Variants in SPTBN5 observed in about 807,000 individuals in gnomAD.
The protein encoded by SPTBN5 is spectrin beta, non-erythrocytic 5.
A neutral mutation model predicts 477.6 loss-of-function variants in SPTBN5; 513 were observed. That is an observed-to-expected ratio of 1.07 (90% confidence interval 1.00 to 1.16). The LOEUF (loss-of-function observed/expected upper bound fraction) is 1.16, where lower values mean the gene tolerates loss of function less well. Among genes scored for constraint, SPTBN5 ranks in the 50% most tolerant of loss-of-function variants. SPTBN5 has a pLI of 0.00. For missense variants in SPTBN5, 5,062 were observed against 4,731.8 expected (o/e 1.07, Z -2.05); for synonymous variants, 2,169 against 2,011.7 (o/e 1.08, Z -2.09).
chr15:41,887,201 T>C lies in SPTBN5; in HGVS notation c.888+12A>G. 7 of 1,548,998 alleles carry C rather than the reference T, an allele frequency of 4.5e-6. No individual in the cohort carries two copies. The highest frequency in any genetic ancestry group is 6.1e-6 in the Non-Finnish European group (7 of 1,144,774). Reference sequence around the variant, plus strand: ...GAGCCCTTGCTCACCCCACCCCTCCTTTCTCCCCCACCTTAGTGAGTCTCC... The same window carrying C: ...GAGCCCTTGCTCACCCCACCCCTCCCTTCTCCCCCACCTTAGTGAGTCTCC... On this transcript the variant is annotated intron_variant, in intron 6 of 67. Coordinates refer to ENST00000320955, the MANE Select transcript of SPTBN5 (RefSeq NM_016642.4).
At position 41,864,008 on chromosome 15, in the gene SPTBN5, G is replaced by T; in HGVS notation, c.6935C>A (p.Ala2312Asp). 1 of 1,613,260 alleles carries T rather than the reference G, an allele frequency of 6.2e-7. No homozygotes were observed. Among genetic ancestry groups the T allele is most frequent in the Non-Finnish European group, 8.5e-7 (1 of 1,179,782 alleles). The change falls in exon 40 of 68, where the codon GCC becomes GAC. Residue 2312 changes from alanine to aspartate, a missense_variant. By Grantham distance (126) the Ala-to-Asp change is moderately radical. Transcript: ENST00000320955. Reference protein sequence around the residue: ...GNSAGDTVGDACIRSISDLSL... With the variant: ...GNSAGDTVGDDCIRSISDLSL... The stretch of plus-strand genomic sequence containing the variant: ...CAAGTCACTGATGCTCCTGATGCAG[G>T]CATCACCCACTGTGTCCTGCAGGGG...
rs1703492109 is a variant in SPTBN5 at position 41,879,787 on chromosome 15, T to C, written c.2889A>G (p.Arg963=). 2 of 1,613,914 alleles carry C rather than the reference T, an allele frequency of 1.2e-6. No homozygotes were observed. The highest frequency in any genetic ancestry group is 3.3e-5 in the Admixed American group (2 of 60,012). The stretch of plus-strand genomic sequence containing the variant: ...GGATTTGTGTGGAGTTCCCAGGATA[T>C]CTCTGCCTCAGTTGCTCAGCAGAGC... ...VSSSAEQLRQ[R]YPGNSTQIQR... The change falls in exon 15 of 68, where the codon AGA becomes AGG. Residue 963 remains arginine (R), a synonymous_variant. Coordinates refer to ENST00000320955, the MANE Select transcript of SPTBN5 (RefSeq NM_016642.4).
chr15:41,866,458 C>A lies in SPTBN5; in HGVS notation c.6516G>T (p.Leu2172=). 1.3e-6 allele frequency: 2 copies of A among 1,596,914 alleles called. No individual in the cohort carries two copies. The highest frequency in any genetic ancestry group is 1.7e-6 in the Non-Finnish European group (2 of 1,172,796). The part of the protein sequence containing the change: ...EDWIQAWAQQ[L]KEPVPPGDLR... ...GGTCCCCAGGAGGGACCGGCTCCTT[C>A]AGCTGCTGGGCCCACGCCTGGATCC... The change falls in exon 37 of 68, where the codon CTG becomes CTT. Residue 2172 remains leucine (L), a synonymous_variant. Coordinates refer to ENST00000320955, the MANE Select transcript of SPTBN5 (RefSeq NM_016642.4).
chr15:41,891,964 C>T (rs944058714), intron 3 of SPTBN5, among the ~76,000 whole-genome samples: 1 of 152,172 alleles, frequency 6.6e-6, no homozygotes. Flanking sequence ...ACACCCTTCC[C>T]CAGTTCCTGG....
In SPTBN5 at chr15:41,879,248, C is replaced by A. The variant is rs754016744; in HGVS notation, c.3182+12G>T. The A allele has an allele frequency of 3.7e-6, 6 of 1,603,464 alleles. No homozygotes were observed. Among genetic ancestry groups the A allele is most frequent in the Non-Finnish European group, 5.1e-6 (6 of 1,174,600 alleles). The stretch of plus-strand genomic sequence containing the variant: ...TCACTGCCTCCCAATGCCACCACTG[C>A]GCTGGCCGTACTTTACGACCACACT... On this transcript the variant is annotated intron_variant, in intron 16 of 67. Transcript: ENST00000320955.
At chr15:41,867,305 G>A (rs1015669185) in intron 35 of SPTBN5, among the ~76,000 whole-genome samples, 179 bp from the exon 36 acceptor site, 4 of 152,240 alleles carry the variant, frequency 2.6e-5, no homozygotes, top group African/African-American at 9.6e-5. Context: ...AGGACCACAC[G>A]GTGTGGACAG....
chr15:41,893,336 C>T lies in SPTBN5; in HGVS notation c.162G>A (p.Gln54=), dbSNP rs747069145. ...HIRKLQARHM[Q]MQEKTFTKWI... ...ACTTGGTGAAAGTCTTCTCCTGCAT[C>T]TGCATGTGCCGGGCCTGTAGCTTGC... Residue 54 remains glutamine, a synonymous_variant, in exon 2 of 68, where the codon CAG becomes CAA. Transcript: ENST00000320955. 3 of 1,613,926 alleles carry T rather than the reference C, an allele frequency of 1.9e-6. No homozygotes were observed. The highest frequency in any genetic ancestry group is 2.5e-6 in the Non-Finnish European group (3 of 1,179,910).
chr15:41,870,477 CTG>C lies in SPTBN5; in HGVS notation c.5529_5530del (p.His1843GlnfsTer111). ...CTGGGTGAGGACTTCCAAGAGATCT[CTG>C]TGAACTCTGAGGGTGGTCTCGGTGT... On this transcript the variant is annotated frameshift_variant, in exon 30 of 68. Coordinates refer to ENST00000320955, the MANE Select transcript of SPTBN5 (RefSeq NM_016642.4). LOFTEE classifies it high-confidence loss of function. 1 of 1,613,608 alleles carries C rather than the reference CTG, an allele frequency of 6.2e-7. No individual in the cohort carries two copies. Among genetic ancestry groups the C allele is most frequent in the African/African-American group, 1.3e-5 (1 of 74,996 alleles).
Position 41,853,735 on chromosome 15 carries a change from C to A in SPTBN5, c.9827G>T (p.Cys3276Phe). The A allele has an allele frequency of 1.3e-6, 2 of 1,588,094 alleles. No individual in the cohort carries two copies. Among genetic ancestry groups the A allele is most frequent in the Admixed American group, 1.8e-5 (1 of 56,448 alleles). Residue 3276 changes from cysteine (C) to phenylalanine (F), a missense_variant, in exon 58 of 68, where the codon TGC becomes TTC. By Grantham distance (205) the Cys-to-Phe change is radical. Coordinates refer to ENST00000320955, the MANE Select transcript of SPTBN5 (RefSeq NM_016642.4). Reference sequence around the variant, plus strand: ...TGCAGGATGTAGCTGGCCCAGTCGGCAGGCCTCCGTCTGTAGCCGTGCCAC... The same window carrying A: ...TGCAGGATGTAGCTGGCCCAGTCGGAAGGCCTCCGTCTGTAGCCGTGCCAC... ...KEVARLQTEA[C>F]RLGQLHPAAP...
chr15:41,856,986 C>T lies in SPTBN5; in HGVS notation c.8675G>A (p.Arg2892Gln), dbSNP rs754137553. ...CCTGAAGAACTTCAAGAGGAGGCTC[C>T]GGGCCTCCAGGGCCGTCCTGCGCTC... ...LQERRTALEARSLLLKFFRDA... is the reference protein window; with the variant it reads ...LQERRTALEAQSLLLKFFRDA... The change falls in exon 52 of 68, where the codon CGG becomes CAG. Residue 2892 changes from arginine (R) to glutamine (Q), a missense_variant. Physicochemically the swap from Arg to Gln is conservative, Grantham distance 43. Coordinates refer to ENST00000320955, the MANE Select transcript of SPTBN5 (RefSeq NM_016642.4). The T allele has an allele frequency of 3.3e-5, 53 of 1,602,808 alleles. No homozygotes were observed. Among genetic ancestry groups the T allele is most frequent in the Middle Eastern group, 1.6e-4 (1 of 6,078 alleles).
At position 41,852,249 on chromosome 15, in the gene SPTBN5, G is replaced by A. The variant is rs897260399; in HGVS notation, c.10517C>T (p.Ser3506Phe). Residue 3506 changes from serine to phenylalanine, a missense_variant, in exon 62 of 68, where the codon TCC (serine) becomes TTC (phenylalanine). Coordinates refer to ENST00000320955, the MANE Select transcript of SPTBN5 (RefSeq NM_016642.4). ...KPGRAGSSLT[S>F]FQWRPSGHQG... ...GTGTCCAGAGGGCCTCCACTGAAAG[G>A]ATGTCAGCGAGCTGCCAGCTCTCCC... 6.2e-7 allele frequency: 1 copy of A among 1,610,422 alleles called. No homozygotes were observed. The highest frequency in any genetic ancestry group is 1.3e-5 in the African/African-American group (1 of 74,864).
Position 41,876,863 on chromosome 15 carries a change from G to T in SPTBN5, c.3797C>A (p.Ala1266Asp). ...LLSTLGPRAE[A>D]LRAHGEKLVQ... ...CAGCTTCTCGCCGTGTGCCCGCAGA[G>T]CCTCTGCCCGAGGCCCCAGGGTGCT... The change falls in exon 19 of 68, where the codon GCT becomes GAT. Residue 1266 changes from alanine (A) to aspartate (D), a missense_variant. Physicochemically the swap from Ala to Asp is moderately radical, Grantham distance 126. Coordinates refer to ENST00000320955, the MANE Select transcript of SPTBN5 (RefSeq NM_016642.4). 6.2e-7 allele frequency: 1 copy of T among 1,610,566 alleles called. No homozygotes were observed.
At chr15:41,875,708 G>A in intron 21 of SPTBN5, 86 bp from the exon 22 acceptor site, 1 of 1,394,592 alleles carries the variant, frequency 7.2e-7, no homozygotes, top group South Asian at 1.4e-5. Flanking sequence ...GGTGGCAGTG[G>A]AGGTGAGGGG....
chr15:41,860,875 C>A lies in SPTBN5; in HGVS notation c.7816-117G>T, dbSNP rs116931518. The A allele has an allele frequency of 2.8e-4, 296 of 1,038,634 alleles. 1 individual carries two copies. The East Asian group carries it at 8.3e-3, about 29-fold the overall frequency. The allele number at this position is 1,038,634 out of a possible 1,614,324, so 64.3% of individuals were successfully genotyped here. A position where few individuals can be genotyped will look rare whatever the true frequency, so the allele number is the denominator to read the frequency against. On this transcript the variant is annotated intron_variant, in intron 46 of 67. Coordinates refer to ENST00000320955, the MANE Select transcript of SPTBN5 (RefSeq NM_016642.4). Reference sequence around the variant, plus strand: ...GCTCATCCACAGAGCGGCTGCTCCGCCCAAACACATCCCTCACATCCCTCA... The same window carrying A: ...GCTCATCCACAGAGCGGCTGCTCCGACCAAACACATCCCTCACATCCCTCA...
chr15:41,860,748 G>A lies in SPTBN5; in HGVS notation c.7826C>T (p.Ala2609Val), dbSNP rs1365481941. 2 of 1,589,046 alleles carry A rather than the reference G, an allele frequency of 1.3e-6. No homozygotes were observed. The highest frequency in any genetic ancestry group is 1.2e-5 in the South Asian group (1 of 86,050). Residue 2609 changes from alanine (A) to valine (V), a missense_variant, in exon 47 of 68, where the codon GCC becomes GTC. By Grantham distance (64) the Ala-to-Val change is moderately conservative. Coordinates refer to ENST00000320955, the MANE Select transcript of SPTBN5 (RefSeq NM_016642.4). ...CTTCCACAGAAGGGGCTCCATGGGG[G>A]CCAAGGGGTCCTGGTGGGAGTGGGG... The part of the protein sequence containing the change: ...LASEGLWDPL[A>V]PMEPLLWKHK...
Position 41,863,217 on chromosome 15 carries a change from T to C in SPTBN5, c.7150-314A>G, listed in dbSNP as rs370382828. On this transcript the variant is annotated intron_variant, in intron 41 of 67. Transcript: ENST00000320955. ...ATGGACAGACAGGCCTGTGCCGTCA[T>C]TTGAGGGCAGAAGCCAGCGGAGGAA... 2.6e-5 allele frequency among the ~76,000 whole-genome samples: 4 copies of C among 152,272 alleles called. No individual in the cohort carries two copies. In the South Asian group the frequency reaches 6.2e-4, roughly 24 times the overall value.
intron 57 of SPTBN5, 44 bp from the exon 58 acceptor site, chr15:41,853,831 C>A: frequency 6.7e-7 from 1 of 1,498,840 alleles, no homozygotes. Flanking sequence ...CCCCACTGAG[C>A]CGATGCGTGC....
chr15:41,879,355 C>G lies in SPTBN5; in HGVS notation c.3087G>C (p.Gly1029=). 2 of 1,609,870 alleles carry G rather than the reference C, an allele frequency of 1.2e-6. No homozygotes were observed. The change falls in exon 16 of 68, where the codon GGG becomes GGC. Residue 1029 remains glycine (G), a synonymous_variant. Transcript: ENST00000320955. ...GGGCGTGGCAGGTGTCCTCTGAGCT[C>G]CCTGGCTGCAGGGCCTCCAGCTGGA... ...VLLQLEALQP[G]SSEDTCHALQ...
rs762021520 is a variant in SPTBN5 at position 41,874,497 on chromosome 15, G to C, written c.4503-19C>G. ...CTCCAGCCTAGGAGGAGGAGGAAGAGATTGGAGAGGTTGGGAACAGAGTGA... is the reference window on the plus strand; with the variant it reads ...CTCCAGCCTAGGAGGAGGAGGAAGACATTGGAGAGGTTGGGAACAGAGTGA... On this transcript the variant is annotated intron_variant, in intron 23 of 67. Transcript: ENST00000320955. The C allele has an allele frequency of 6.3e-7, 1 of 1,583,130 alleles. No individual in the cohort carries two copies. The highest frequency in any genetic ancestry group is 1.4e-5 in the African/African-American group (1 of 73,854).
Sources: allele counts gnomAD v4.1 joint callset (sites outside exome capture counted in the v4.1 genomes callset), GRCh38; gene constraint gnomAD v4.1.1; transcripts MANE v1.5; gene names NCBI Gene and HGNC (gene_info 2026-07-23, HGNC 2026-07-21).